ELMO1: variants seen among roughly 807,000 people sequenced by gnomAD.
ELMO1 encodes engulfment and cell motility 1, also known as engulfment and cell motility protein 1.
ELMO1 carries 26 observed loss-of-function variants against 98.9 expected under a neutral mutation model. That is an observed-to-expected ratio of 0.26 (90% CI 0.19 to 0.36). The LOEUF is 0.36. Ranked by LOEUF, ELMO1 falls within the 10% of genes least tolerant of loss-of-function variation. The pLI, the probability that ELMO1 is intolerant of heterozygous loss-of-function variation, is 1.00. For synonymous variants in ELMO1, 346 were observed against 346.0 expected (o/e 1.00, Z 0.00); for missense variants, 627 against 935.2 (o/e 0.67, Z 4.30).
intron 15 of ELMO1, among the ~76,000 whole-genome samples, chr7:37,077,123 A>T (rs1324371679): frequency 1.3e-5 from 2 of 152,228 alleles, no homozygotes; most frequent in African/African-American, 4.8e-5. Flanking sequence ...TTAAAGGACA[A>T]TCTTATACTA....
chr7:37,230,515 C>A (rs934835370), intron 8 of ELMO1, among the ~76,000 whole-genome samples: 2 of 152,200 alleles, frequency 1.3e-5, no homozygotes, highest in African/African-American at 4.8e-5. Context: ...TCAACCTCGG[C>A]AAGCCACTGC....
In ELMO1 at chr7:37,211,265, T is replaced by C; in HGVS notation, c.1086+121A>G. 2.9e-6 allele frequency: 4 copies of C among 1,398,926 alleles called. No individual in the cohort carries two copies. The South Asian group carries it at 5.4e-5, about 19-fold the overall frequency. The allele number at this position is 1,398,926 out of a possible 1,614,324, so 86.7% of individuals were successfully genotyped here. On this transcript the variant is annotated intron_variant, in intron 13 of 21. Transcript: ENST00000310758. ...TTTAAACCAGCTAAACATCTGGAAATGTGGAAACTATTCCGTAAAGCGCAA... is the reference window on the plus strand; with the variant it reads ...TTTAAACCAGCTAAACATCTGGAAACGTGGAAACTATTCCGTAAAGCGCAA...
At chr7:37,036,480 C>T (rs1584546299) in intron 15 of ELMO1, among the ~76,000 whole-genome samples, 1 of 152,174 alleles carries the variant, frequency 6.6e-6, no homozygotes, top group South Asian at 2.1e-4. Flanking sequence ...AGCAATCCTC[C>T]CACCTCTGGC....
chr7:37,124,867 A>G (rs1477869498), intron 14 of ELMO1, among the ~76,000 whole-genome samples: 7 of 152,170 alleles, frequency 4.6e-5, no homozygotes, highest in African/African-American at 1.7e-4. Flanking sequence ...GAGGCATCAC[A>G]CTACCTGACT....
intron 14 of ELMO1, among the ~76,000 whole-genome samples, chr7:37,121,051 T>G (rs1157614624): frequency 6.6e-6 from 1 of 152,184 alleles, no homozygotes; most frequent in Non-Finnish European, 1.5e-5. Context: ...CCAACAGACC[T>G]GCAGCTGAAG....
In ELMO1 at chr7:37,047,790, T is replaced by C. The variant is rs192394706; in HGVS notation, c.1301-34355A>G. ...CAGCAAGAGATCTTTGTGCATTCAGTTGAGCCTATCAGATAAGTATCTCCA... is the reference window on the plus strand; with the variant it reads ...CAGCAAGAGATCTTTGTGCATTCAGCTGAGCCTATCAGATAAGTATCTCCA... On this transcript the variant is annotated intron_variant, in intron 15 of 21. Transcript: ENST00000310758. Among the ~76,000 whole-genome samples, 8 of 152,330 alleles carry C rather than the reference T, an allele frequency of 5.3e-5. No individual in the cohort carries two copies. In the East Asian group the frequency reaches 1.5e-3, roughly 29 times the overall value.
chr7:37,334,099 C>A (rs1317491543), intron 2 of ELMO1, among the ~76,000 whole-genome samples: 2 of 152,146 alleles, frequency 1.3e-5, no homozygotes, highest in African/African-American at 2.4e-5. Flanking sequence ...GATCCCTGAA[C>A]CTTGAATCAC....
chr7:37,151,265 T>TA (rs1050374238), intron 13 of ELMO1, among the ~76,000 whole-genome samples: 4 of 152,226 alleles, frequency 2.6e-5, no homozygotes, highest in Non-Finnish European at 4.4e-5. Context: ...CTCTGGGCTT[T>TA]AAAAAACCCC....
intron 16 of ELMO1, among the ~76,000 whole-genome samples, chr7:36,969,517 C>T (rs1789734126): frequency 6.6e-6 from 1 of 152,180 alleles, no homozygotes; most frequent in Admixed American, 6.5e-5. Flanking sequence ...TTTACAGCCA[C>T]AATTGCTTCC....
intron 15 of ELMO1, 39 bp downstream of exon 15, chr7:37,096,580 T>C (rs1286826593): frequency 2.5e-6 from 4 of 1,583,742 alleles, no homozygotes; most frequent in Non-Finnish European, 3.5e-6. Context: ...GCTGGGACTC[T>C]GCCAGCTTCA....
chr7:37,423,218 T>A (rs1298571453), intron 1 of ELMO1, among the ~76,000 whole-genome samples: 2 of 152,344 alleles, frequency 1.3e-5, no homozygotes, highest in East Asian at 3.9e-4. Flanking sequence ...TAACCTGCAG[T>A]AAACTACAGA....
At chr7:37,281,064 G>C (rs1338367634) in intron 4 of ELMO1, among the ~76,000 whole-genome samples, 1 of 151,192 alleles carries the variant, frequency 6.6e-6, no homozygotes, top group African/African-American at 2.4e-5. Context: ...CCATAAAAAG[G>C]AGTGAGTTAA....
intron 16 of ELMO1, among the ~76,000 whole-genome samples, chr7:36,949,573 T>A (rs948920608): frequency 1.3e-5 from 2 of 152,102 alleles, no homozygotes; most frequent in African/African-American, 2.4e-5. Flanking sequence ...TTGGGCCAGA[T>A]AATTCTATGT....
At chr7:37,237,158 G>C (rs1026977411) in intron 7 of ELMO1, among the ~76,000 whole-genome samples, 4 of 152,156 alleles carry the variant, frequency 2.6e-5, no homozygotes, top group Admixed American at 2.0e-4. Flanking sequence ...CAACTTAGTA[G>C]ACACCATCTT....
At chr7:37,070,546 G>A (rs1238524059) in intron 15 of ELMO1, among the ~76,000 whole-genome samples, 1 of 152,152 alleles carries the variant, frequency 6.6e-6, no homozygotes, top group Non-Finnish European at 1.5e-5. Flanking sequence ...ATCAGTCTGG[G>A]ATAACAGCTG....
intron 4 of ELMO1, among the ~76,000 whole-genome samples, chr7:37,301,972 T>C (rs2724008): frequency 0.35 from 53,307 of 152,128 alleles, 10,465 homozygotes; most frequent in Middle Eastern, 0.53. Flanking sequence ...AGTTAAATAA[T>C]TGCAAAAGTA....
intron 5 of ELMO1, among the ~76,000 whole-genome samples, chr7:37,266,370 C>CA (rs2130826863): frequency 6.6e-6 from 1 of 152,114 alleles, no homozygotes; most frequent in Non-Finnish European, 1.5e-5. Flanking sequence ...GAATAAGACC[C>CA]AAAAATCATG....
chr7:37,370,231 A>G (rs1243629010), intron 1 of ELMO1, among the ~76,000 whole-genome samples: 1 of 152,064 alleles, frequency 6.6e-6, no homozygotes, highest in African/African-American at 2.4e-5. Flanking sequence ...TGCAGCTACT[A>G]TTTATCCTTA....
chr7:36,991,260 G>A (rs186673732), intron 16 of ELMO1, among the ~76,000 whole-genome samples: 4 of 152,128 alleles, frequency 2.6e-5, no homozygotes, highest in African/African-American at 4.8e-5. Flanking sequence ...ATACACACAC[G>A]TGCACATGCA....
Sources: gnomAD v4.1 joint callset for allele counts (sites outside exome capture counted in the v4.1 genomes callset) on GRCh38, gnomAD v4.1.1 for gene constraint, MANE v1.5 for transcripts, NCBI Gene and HGNC (gene_info 2026-07-23, HGNC 2026-07-21) for gene names.